The following PRC1 variants were observed in gnomAD, a reference collection of about 807,000 sequenced individuals.
The protein encoded by PRC1 is protein regulator of cytokinesis 1.
In PRC1, 54 loss-of-function variants were observed where a neutral mutation model predicts 91.2. That is an observed-to-expected ratio of 0.59 (90% CI 0.48 to 0.74). The LOEUF (loss-of-function observed/expected upper bound fraction) is 0.74, where lower values mean the gene tolerates loss of function less well. Ranked by LOEUF, PRC1 falls within the 30% of genes least tolerant of loss-of-function variation. The probability of loss-of-function intolerance (pLI) is 0.00; values close to 1 mark genes in which losing one functional copy is unlikely to be tolerated. For missense variants in PRC1, 727 were observed against 746.2 expected (o/e 0.97, Z 0.30); for synonymous variants, 275 against 263.6 (o/e 1.04, Z -0.42).
chr15:90,970,354 A>G lies in PRC1; in HGVS notation c.1572+50T>C, dbSNP rs1392204084. 2.2e-6 allele frequency: 3 copies of G among 1,370,342 alleles called. No individual in the cohort carries two copies. The Admixed American group carries it at 5.3e-5, about 24-fold the overall frequency. 84.9% of individuals were successfully genotyped at this position (1,370,342 alleles called of 1,614,324 possible). Reference sequence around the variant, plus strand: ...ACAAGTAGGTGGGGCCTCTGGGTGAACAGGCTAGGGACGCATGTGAGGATG... The same window carrying G: ...ACAAGTAGGTGGGGCCTCTGGGTGAGCAGGCTAGGGACGCATGTGAGGATG... On this transcript the variant is annotated intron_variant, in intron 12 of 14. Coordinates refer to ENST00000394249, the MANE Select transcript of PRC1 (RefSeq NM_003981.4).
rs552067910 is a variant in PRC1 at position 90,976,848 on chromosome 15, T to C, written c.1108-77A>G. 1,110 of 1,269,496 alleles carry C rather than the reference T, an allele frequency of 8.7e-4. 15 individuals are homozygous for C. In the South Asian group the frequency reaches 9.8e-3, roughly 11 times the overall value. 78.6% of individuals were successfully genotyped at this position (1,269,496 alleles called of 1,614,324 possible). On this transcript the variant is annotated intron_variant, in intron 8 of 14. Transcript: ENST00000394249. ...TAACTTCTGCTAAGATTCTTTGTTC[T>C]CGCCAGGCGTGGTGACTCACACCTG...
chr15:90,994,437 C>T lies in PRC1; in HGVS notation c.-20G>A, dbSNP rs2040177409. On this transcript the variant is annotated 5_prime_UTR_variant, in exon 1 of 15. Coordinates refer to ENST00000394249, the MANE Select transcript of PRC1 (RefSeq NM_003981.4). ...CCTCATGGCGGACGCTCCAAGCAGC[C>T]GTGAGTCCAGGTCCAGACCTACTCC... 1 of 1,610,932 alleles carries T rather than the reference C, an allele frequency of 6.2e-7. No homozygotes were observed. Among genetic ancestry groups the T allele is most frequent in the African/African-American group, 1.3e-5 (1 of 74,642 alleles).
intron 1 of PRC1, chr15:90,987,878 T>A (rs1239690187): frequency 6.6e-6 from 1 of 152,130 alleles, no homozygotes; most frequent in East Asian, 1.9e-4. Context: ...TACATTCACA[T>A]CCAAAATATC....
intron 11 of PRC1, among the ~76,000 whole-genome samples, chr15:90,972,371 A>C (rs1408004612): frequency 1.3e-5 from 2 of 152,092 alleles, no homozygotes; most frequent in Non-Finnish European, 1.5e-5. Flanking sequence ...TGATAGAGCA[A>C]GACACTGTCT....
At chr15:90,992,671 A>G (rs190867660) in intron 1 of PRC1, among the ~76,000 whole-genome samples, 2 of 151,854 alleles carry the variant, frequency 1.3e-5, no homozygotes, top group Non-Finnish European at 2.9e-5. Flanking sequence ...CCCTGGCTAA[A>G]TTGTTTCAGA....
chr15:90,968,398 G>T, intron 14 of PRC1: 1 of 985,504 alleles, frequency 1.0e-6, no homozygotes, highest in Non-Finnish European at 1.2e-6. Flanking sequence ...GCAGGCTAGG[G>T]GTTTAACTCA....
intron 8 of PRC1, among the ~76,000 whole-genome samples, chr15:90,978,375 G>A (rs2038906265): frequency 1.3e-5 from 2 of 152,148 alleles, no homozygotes; most frequent in Admixed American, 6.5e-5. Context: ...GTGAGCCACG[G>A]TGCTGTGAAG....
chr15:90,983,720 C>G (rs1050852874), intron 3 of PRC1: 1 of 209,598 alleles, frequency 4.8e-6, no homozygotes, highest in African/African-American at 2.3e-5. Context: ...CCATCTATGC[C>G]TACCTTTTTC....
chr15:90,981,561 C>A lies in PRC1; in HGVS notation c.610G>T (p.Asp204Tyr), dbSNP rs1360346954. The change falls in exon 5 of 15, where the codon GAC (aspartate) becomes TAC (tyrosine). Residue 204 changes from aspartate (D) to tyrosine (Y), a missense_variant. Coordinates refer to ENST00000394249, the MANE Select transcript of PRC1 (RefSeq NM_003981.4). ...AAAGACAAACAAAAGGCATCTTCGT[C>A]TTCACACACCACATCTCTTTCAAAG... is the stretch of plus-strand genomic sequence containing the variant. The part of the protein sequence containing the change: ...TSFERDVVCE[D>Y]EDAFCLSLEN... 1 of 1,613,978 alleles carries A rather than the reference C, an allele frequency of 6.2e-7. No homozygotes were observed. Among genetic ancestry groups the A allele is most frequent in the East Asian group, 2.2e-5 (1 of 44,892 alleles).
intron 1 of PRC1, among the ~76,000 whole-genome samples, chr15:90,989,156 T>G (rs1186894422): frequency 6.6e-6 from 1 of 152,088 alleles, no homozygotes; most frequent in Non-Finnish European, 1.5e-5. Context: ...CAAAAAGTAT[T>G]GGTGAGAATC....
Position 90,967,001 on chromosome 15 carries a change from A to AGGCCC in PRC1, c.*125_*129dup. The AGGCCC allele has an allele frequency of 1.3e-6, 1 of 751,240 alleles. No individual in the cohort carries two copies. The highest frequency in any genetic ancestry group is 2.5e-5 in the East Asian group (1 of 40,366). The allele number at this position is 751,240 out of a possible 1,614,324, so 46.5% of individuals were successfully genotyped here. A position where few individuals can be genotyped will look rare whatever the true frequency, so the allele number is the denominator to read the frequency against. ...TAACACTCATTCACATCTTTAAGTT[A>AGGCCC]GGCCCATGGTCATGGAACCTGGCCA... On this transcript the variant is annotated 3_prime_UTR_variant, in exon 15 of 15. Coordinates refer to ENST00000394249, the MANE Select transcript of PRC1 (RefSeq NM_003981.4).
intron 11 of PRC1, among the ~76,000 whole-genome samples, chr15:90,971,651 G>A (rs996394113): frequency 2.0e-5 from 3 of 151,232 alleles, no homozygotes; most frequent in African/African-American, 7.3e-5. Flanking sequence ...ATCTGAGGTC[G>A]GGAGTATGAG....
At chr15:90,972,683 G>C (rs1215181719) in intron 11 of PRC1, among the ~76,000 whole-genome samples, 4 of 151,668 alleles carry the variant, frequency 2.6e-5, no homozygotes, top group Admixed American at 6.6e-5. Context: ...AGGCTGTAGT[G>C]AGCTGAGATC....
chr15:90,988,960 G>A (rs1481481929), intron 1 of PRC1, among the ~76,000 whole-genome samples: 1 of 152,146 alleles, frequency 6.6e-6, no homozygotes, highest in African/African-American at 2.4e-5. Context: ...AGAAGGTAAA[G>A]TGATCGTTTT....
chr15:90,980,834 C>A, intron 6 of PRC1, 50 bp downstream of exon 6: 1 of 1,611,650 alleles, frequency 6.2e-7, no homozygotes, highest in South Asian at 1.1e-5. Flanking sequence ...ATGACTAACA[C>A]AGAAGTGCTA....
chr15:90,977,419 T>G (rs2038815725), intron 8 of PRC1: 2 of 152,146 alleles, frequency 1.3e-5, no homozygotes, highest in African/African-American at 4.8e-5. Context: ...GCAGAAAAAT[T>G]TAGAAGATAT....
At chr15:90,970,357 GGCTAGGGAC>G in intron 12 of PRC1, 38 bp downstream of exon 12, 1 of 1,410,242 alleles carries the variant, frequency 7.1e-7, no homozygotes, top group Non-Finnish European at 1.0e-6. Context: ...TGGGTGAACA[GGCTAGGGAC>G]GCATGTGAGG....
chr15:90,978,753 C>CAAAAAAAAAA (rs869065052), intron 8 of PRC1, among the ~76,000 whole-genome samples: 2 of 39,706 alleles, frequency 5.0e-5, no homozygotes, highest in Admixed American at 4.1e-4. Flanking sequence ...AACTCCACCT[C>CAAAAAAAAAA]AAAAAAAAAA....
rs1254004609 is a variant in PRC1, at chr15:90,981,022, C to T, written c.684G>A (p.Gln228=). The T allele has an allele frequency of 1.2e-6, 2 of 1,614,168 alleles. No homozygotes were observed. Among genetic ancestry groups the T allele is most frequent in the Admixed American group, 1.7e-5 (1 of 60,014 alleles). ...CACACACTGCTTCATTTTGTGATTTCTGCATTTCCAGCTACAGCATAGAAA... is the reference window on the plus strand; with the variant it reads ...CACACACTGCTTCATTTTGTGATTTTTGCATTTCCAGCTACAGCATAGAAA... ...LQKLLRQLEM[Q]KSQNEAVCEG... The change falls in exon 6 of 15, where the codon CAG becomes CAA. Residue 228 remains glutamine (Q), a synonymous_variant. Transcript: ENST00000394249.
Sources: allele counts gnomAD v4.1 joint callset (sites outside exome capture counted in the v4.1 genomes callset), GRCh38; gene constraint gnomAD v4.1.1; transcripts MANE v1.5; gene names NCBI Gene and HGNC (gene_info 2026-07-23, HGNC 2026-07-21).